ZNF221: variants seen among roughly 807,000 people sequenced by gnomAD.
ZNF221 encodes zinc finger protein 221.
In ZNF221, 10 loss-of-function variants were observed where a neutral mutation model predicts 12.6. The observed-to-expected ratio is 0.79, with a 90% CI of 0.49 to 1.34. The LOEUF (loss-of-function observed/expected upper bound fraction) is 1.34, where lower values mean the gene tolerates loss of function less well. Ranked by LOEUF, ZNF221 falls within the 40% of genes most tolerant of loss-of-function variation. The probability of loss-of-function intolerance (pLI) is 0.00; values close to 1 mark genes in which losing one functional copy is unlikely to be tolerated. For synonymous variants in ZNF221, 232 were observed against 244.0 expected (o/e 0.95, Z 0.46); for missense variants, 661 against 721.4 (o/e 0.92, Z 0.96).
chr19:43,967,316 C>T lies in ZNF221; in HGVS notation c.1814C>T (p.Ser605Leu), dbSNP rs1974993802. 1.9e-6 allele frequency: 3 copies of T among 1,613,218 alleles called. No individual in the cohort carries two copies. Among genetic ancestry groups the T allele is most frequent in the Non-Finnish European group, 2.5e-6 (3 of 1,179,718 alleles). Residue 605 changes from serine to leucine, a missense_variant, in exon 5 of 5, where the codon TCA becomes TTA. Ser to Leu is a moderately radical substitution (Grantham distance 145). Coordinates refer to ENST00000587682, the MANE Select transcript of ZNF221 (RefSeq NM_001297588.2). ...WEEIYSEFTA[S>L]FTSVSLCGRK... ...GAGATCTACTCAGAATTCACAGCTTCATTTACATCAGTAAGTCTATGTGGG... is the reference window on the plus strand; with the variant it reads ...GAGATCTACTCAGAATTCACAGCTTTATTTACATCAGTAAGTCTATGTGGG...
chr19:43,960,944 A>G (rs956234259), intron 1 of ZNF221, among the ~76,000 whole-genome samples: 6 of 152,216 alleles, frequency 3.9e-5, no homozygotes, highest in African/African-American at 1.4e-4. Context: ...GGCTCCCCAC[A>G]GAGTCCCCAC....
intron 2 of ZNF221, 23 bp downstream of exon 2, chr19:43,962,830 G>A: frequency 6.2e-7 from 1 of 1,603,036 alleles, no homozygotes; most frequent in East Asian, 2.2e-5. Context: ...TGCCTCTCTT[G>A]CTGTTAAAAT....
intron 1 of ZNF221, chr19:43,962,023 A>G (rs1276695328): frequency 1.3e-5 from 2 of 152,212 alleles, no homozygotes; most frequent in African/African-American, 4.8e-5. Context: ...CGGGAGATAC[A>G]TTATTAGTGG....
chr19:43,969,887 G>C (rs73038602), downstream of ZNF221, among the ~76,000 whole-genome samples: 1 of 152,116 alleles, frequency 6.6e-6, no homozygotes, highest in African/African-American at 2.4e-5. Flanking sequence ...CTCCCCCACC[G>C]CAGCACACCT....
At chr19:43,972,763 CA>C in the ZNF221 span, among the ~76,000 whole-genome samples, 24 of 67,942 alleles carry the variant, frequency 3.5e-4, 1 homozygote, top group African/African-American at 1.0e-3. Flanking sequence ...AATAGTCTAC[CA>C]AAAAAAAAAA....
chr19:43,967,378 C>A lies in ZNF221; in HGVS notation c.*22C>A. 1.3e-6 allele frequency: 2 copies of A among 1,581,172 alleles called. No individual in the cohort carries two copies. Among genetic ancestry groups the A allele is most frequent in the South Asian group, 1.1e-5 (1 of 87,052 alleles). ...ATAAATGTGAGAAGTGTGGGAAGGG[C>A]TTTGGCTGGGCCTCAACTCATCTGA... On this transcript the variant is annotated 3_prime_UTR_variant, in exon 5 of 5. Coordinates refer to ENST00000587682, the MANE Select transcript of ZNF221 (RefSeq NM_001297588.2).
Position 43,966,099 on chromosome 19 carries a change from A to T in ZNF221, c.597A>T (p.Thr199=), listed in dbSNP as rs763159741. 5.6e-6 allele frequency: 9 copies of T among 1,614,214 alleles called. No homozygotes were observed. The highest frequency in any genetic ancestry group is 7.6e-6 in the Non-Finnish European group (9 of 1,180,026). Residue 199 remains threonine (T), a synonymous_variant, in exon 5 of 5, where the codon ACA becomes ACT. Coordinates refer to ENST00000587682, the MANE Select transcript of ZNF221 (RefSeq NM_001297588.2). The stretch of plus-strand genomic sequence containing the variant: ...CACACTCAGGAGAGAAATCTCATAC[A>T]TGTGGTGAGTGTGGAAAAAGCTTCT... ...QQSHSGEKSH[T]CGECGKSFCY...
At chr19:43,977,357 T>C in the ZNF221 span, 36 of 152,224 alleles carry the variant, frequency 2.4e-4, no homozygotes, top group Non-Finnish European at 1.5e-5. Context: ...CTGAATAAGA[T>C]TGCTCTACAT....
chr19:43,976,068 T>A, the ZNF221 span, among the ~76,000 whole-genome samples: 1 of 152,134 alleles, frequency 6.6e-6, no homozygotes, highest in South Asian at 2.1e-4. Context: ...TTTTAAAAAA[T>A]TATTTTTAAG....
the ZNF221 span, chr19:43,977,432 G>A: frequency 6.6e-6 from 1 of 152,172 alleles, no homozygotes; most frequent in African/African-American, 2.4e-5. Context: ...ATAAAAAAAT[G>A]TATCTGGTCA....
rs772810926 is a variant in ZNF221 at position 43,966,878 on chromosome 19, A to G, written c.1376A>G (p.Tyr459Cys). 12 of 1,614,184 alleles carry G rather than the reference A, an allele frequency of 7.4e-6. No individual in the cohort carries two copies. The highest frequency in any genetic ancestry group is 1.6e-4 in the Middle Eastern group (1 of 6,062). ...AACTGTGAGGAGTGTGGTAAGGACTATAAAAGGAGGTTGGATCTTGAGTTT... is the reference window on the plus strand; with the variant it reads ...AACTGTGAGGAGTGTGGTAAGGACTGTAAAAGGAGGTTGGATCTTGAGTTT... ...PYNCEECGKD[Y>C]KRRLDLEFHQ... The change falls in exon 5 of 5, where the codon TAT (tyrosine) becomes TGT (cysteine). Residue 459 changes from tyrosine to cysteine, a missense_variant. Physicochemically the swap from Tyr to Cys is radical, Grantham distance 194 (BLOSUM62 -2). Coordinates refer to ENST00000587682, the MANE Select transcript of ZNF221 (RefSeq NM_001297588.2).
At chr19:43,959,304 T>TTA (rs1292631064) in intron 1 of ZNF221, among the ~76,000 whole-genome samples, 2 of 152,224 alleles carry the variant, frequency 1.3e-5, no homozygotes, top group East Asian at 3.8e-4. Context: ...TTAGAGGTAC[T>TTA]TACTGTTGTC....
chr19:43,970,131 A>G (rs1975065914), downstream of ZNF221, among the ~76,000 whole-genome samples: 1 of 152,274 alleles, frequency 6.6e-6, no homozygotes, highest in South Asian at 2.1e-4. Context: ...AACGGAGGCA[A>G]CTAGGGTCTC....
At chr19:43,962,657 A>G (rs1974865242) in intron 1 of ZNF221, 68 bp from the exon 2 acceptor site, 11 of 1,419,090 alleles carry the variant, frequency 7.8e-6, no homozygotes, top group African/African-American at 2.8e-5. Flanking sequence ...ATACTTGTCT[A>G]TGTTGGTGGT....
At chr19:43,968,403 G>A (rs1039057997), downstream of ZNF221, among the ~76,000 whole-genome samples, 4 of 152,174 alleles carry the variant, frequency 2.6e-5, no homozygotes, top group South Asian at 4.1e-4. Context: ...ATTTACCTTT[G>A]CTGCAGAATC....
intron 2 of ZNF221, among the ~76,000 whole-genome samples, chr19:43,963,331 A>G (rs912569028): frequency 6.6e-6 from 1 of 152,100 alleles, no homozygotes; most frequent in African/African-American, 2.4e-5. Flanking sequence ...CTTCCCCCCA[A>G]AATTAATTCT....
At chr19:43,973,936 T>C in the ZNF221 span, among the ~76,000 whole-genome samples, 2 of 152,018 alleles carry the variant, frequency 1.3e-5, no homozygotes, top group Non-Finnish European at 2.9e-5. Context: ...ATAGCCCAAA[T>C]AGCCAAGACA....
At chr19:43,969,829 C>T (rs1233706877), downstream of ZNF221, among the ~76,000 whole-genome samples, 1 of 152,204 alleles carries the variant, frequency 6.6e-6, no homozygotes, top group Non-Finnish European at 1.5e-5. Context: ...AAAGCTGTTC[C>T]AGCCTGCTGG....
At position 43,965,307 on chromosome 19, in the gene ZNF221, C is replaced by CAT; in HGVS notation, c.284_285insTA (p.Gln95HisfsTer40). On this transcript the variant is annotated frameshift_variant, in exon 4 of 5. Transcript: ENST00000587682. LOFTEE classifies it low-confidence loss of function (END_TRUNC). The stretch of plus-strand genomic sequence containing the variant: ...GTTTTGGAAGATGAAGACAACAAGC[C>CAT]AAAGAGAAGGGAATTCAGGTAAGAA... 1 of 1,613,266 alleles carries CAT rather than the reference C, an allele frequency of 6.2e-7. No individual in the cohort carries two copies. The highest frequency in any genetic ancestry group is 1.1e-5 in the South Asian group (1 of 91,042).
Sources: gnomAD v4.1 joint callset for allele counts (sites outside exome capture counted in the v4.1 genomes callset) on GRCh38, gnomAD v4.1.1 for gene constraint, MANE v1.5 for transcripts, NCBI Gene and HGNC (gene_info 2026-07-23, HGNC 2026-07-21) for gene names.